The following USP20 variants were observed in gnomAD, a reference collection of about 807,000 sequenced individuals.
USP20 encodes the protein ubiquitin specific peptidase 20.
USP20 carries 80 observed loss-of-function variants against 124.2 expected under a neutral mutation model. That is an observed-to-expected ratio of 0.64 (90% CI 0.54 to 0.78). The LOEUF (loss-of-function observed/expected upper bound fraction) is 0.78. Among genes scored for constraint, USP20 ranks in the 30% least tolerant of loss-of-function variants. The pLI is 0.00. For missense variants in USP20, 1,043 were observed against 1,244.4 expected, an observed-to-expected ratio of 0.84 and a Z score of 2.44; for synonymous variants, 481 against 512.3, an observed-to-expected ratio of 0.94 and a Z score of 0.83.
chr9:129,848,055 G>C (rs2032687206), intron 1 of USP20, among the ~76,000 whole-genome samples: 1 of 152,106 alleles, frequency 6.6e-6, no homozygotes, highest in South Asian at 2.1e-4. Flanking sequence ...CCCAGCACTT[G>C]GGAGGCTGAG....
chr9:129,870,412 C>A (rs1387544920), intron 14 of USP20, 41 bp from the exon 15 acceptor site: 4 of 1,601,904 alleles, frequency 2.5e-6, no homozygotes, highest in Non-Finnish European at 2.6e-6. Context: ...TGTTCTTGCC[C>A]AGGCCCTGGC....
intron 1 of USP20, among the ~76,000 whole-genome samples, chr9:129,845,987 C>T (rs62584859): frequency 0.14 from 21,660 of 151,534 alleles, 2,012 homozygotes; most frequent in African/African-American, 0.25. Context: ...CGCAGTGGTG[C>T]GATCTCGGCT....
chr9:129,856,489 T>G, intron 4 of USP20, 129 bp downstream of exon 4: 1 of 1,123,624 alleles, frequency 8.9e-7, no homozygotes, highest in Non-Finnish European at 1.3e-6. Flanking sequence ...GCCAGAAACC[T>G]TGGGCTGGGG....
At chr9:129,868,517 G>A (rs375567490) in intron 11 of USP20, 68 bp downstream of exon 11, 45 of 1,521,516 alleles carry the variant, frequency 3.0e-5, no homozygotes, top group South Asian at 2.3e-4. Flanking sequence ...GGTGCTGAGC[G>A]CCGACCTGCA....
rs1224030085 is a variant in USP20, at chr9:129,874,949, T to C, written c.2042T>C (p.Phe681Ser). Residue 681 changes from phenylalanine (F) to serine (S), a missense_variant, in exon 19 of 26, where the codon TTC becomes TCC. By Grantham distance (155) the Phe-to-Ser change is radical (BLOSUM62 -2). Coordinates refer to ENST00000372429, the MANE Select transcript of USP20 (RefSeq NM_001110303.4). ...CAGAACGCCGAGGGCTACGTACTCTTCTACAGGTGGGCGCTGGGCCAGGCC... is the reference window on the plus strand; with the variant it reads ...CAGAACGCCGAGGGCTACGTACTCTCCTACAGGTGGGCGCTGGGCCAGGCC... ...VVQNAEGYVLFYRKSSEEAMR... is the reference protein window; with the variant it reads ...VVQNAEGYVLSYRKSSEEAMR... 1.7e-5 allele frequency: 28 copies of C among 1,613,552 alleles called. No individual in the cohort carries two copies. The Admixed American group carries it at 4.7e-4, about 27-fold the overall frequency.
chr9:129,852,551 C>A lies in USP20; in HGVS notation c.-5C>A. The A allele has an allele frequency of 1.3e-6, 2 of 1,591,748 alleles. No individual in the cohort carries two copies. The highest frequency in any genetic ancestry group is 1.7e-6 in the Non-Finnish European group (2 of 1,168,088). On this transcript the variant is annotated 5_prime_UTR_variant, in exon 3 of 26. Transcript: ENST00000372429. The stretch of plus-strand genomic sequence containing the variant: ...GTGTCTTCTCATAGGTGAGCCCAGG[C>A]CAGGATGGGGGACTCCAGGGACCTT...
intron 10 of USP20, among the ~76,000 whole-genome samples, chr9:129,866,317 CTT>C (rs1446274943): frequency 2.0e-5 from 3 of 152,340 alleles, no homozygotes; most frequent in Admixed American, 1.3e-4. Context: ...GGACACCTCT[CTT>C]TTTGGGGAGT....
At chr9:129,864,936 T>C (rs1341568651) in intron 9 of USP20, among the ~76,000 whole-genome samples, 1 of 152,198 alleles carries the variant, frequency 6.6e-6, no homozygotes, top group Non-Finnish European at 1.5e-5. Context: ...GTGGTGTTTT[T>C]CTCTTGTACT....
chr9:129,857,801 A>G lies in USP20; in HGVS notation c.136-249A>G, dbSNP rs368774964. 5.3e-5 allele frequency among the ~76,000 whole-genome samples: 8 copies of G among 152,324 alleles called. No homozygotes were observed. In the East Asian group the frequency reaches 1.2e-3, roughly 22 times the overall value. On this transcript the variant is annotated intron_variant, in intron 4 of 25. Coordinates refer to ENST00000372429, the MANE Select transcript of USP20 (RefSeq NM_001110303.4). ...CCGCCTGGGCTTCTTGCTGGAGAGC[A>G]GCAGCCCAGGGCATACTGCTCGTCT...
intron 17 of USP20, 122 bp downstream of exon 17, chr9:129,873,866 A>C: frequency 8.2e-7 from 1 of 1,212,896 alleles, no homozygotes; most frequent in Non-Finnish European, 1.2e-6. Context: ...GGCCGTGGAG[A>C]CTCCATAGCT....
At chr9:129,848,570 A>G (rs1353688396) in intron 1 of USP20, among the ~76,000 whole-genome samples, 1 of 150,264 alleles carries the variant, frequency 6.7e-6, no homozygotes, top group Non-Finnish European at 1.5e-5. Context: ...GGAGAATTTC[A>G]TGAACCCGGG....
At chr9:129,840,887 C>T (rs903011841) in intron 1 of USP20, among the ~76,000 whole-genome samples, 6 of 151,520 alleles carry the variant, frequency 4.0e-5, no homozygotes, top group Admixed American at 3.3e-4. Flanking sequence ...TCTTCTACCT[C>T]AGCCTCCCGA....
rs1236041784 is a variant in USP20, at chr9:129,865,319, C to G, written c.628C>G (p.Pro210Ala). The G allele has an allele frequency of 6.2e-7, 1 of 1,614,160 alleles. No homozygotes were observed. ...TTCCTACAGGCCAAGCTACGTGGTCCCCACCAGTCTGTCTCATGGGATCAA... is the reference window on the plus strand; with the variant it reads ...TTCCTACAGGCCAAGCTACGTGGTCGCCACCAGTCTGTCTCATGGGATCAA... ...WHKKRPSYVVPTSLSHGIKLV... is the reference protein window; with the variant it reads ...WHKKRPSYVVATSLSHGIKLV... Residue 210 changes from proline (P) to alanine (A), a missense_variant, in exon 10 of 26, where the codon CCC (proline) becomes GCC (alanine). Physicochemically the swap from Pro to Ala is conservative, Grantham distance 27 (BLOSUM62 -1). Transcript: ENST00000372429.
chr9:129,847,045 G>C (rs2131041170), intron 1 of USP20, among the ~76,000 whole-genome samples: 1 of 152,272 alleles, frequency 6.6e-6, no homozygotes, highest in African/African-American at 2.4e-5. Context: ...TCTATTGATG[G>C]GCACTTGGTT....
At chr9:129,872,744 T>G (rs2034185629) in intron 15 of USP20, among the ~76,000 whole-genome samples, 2 of 152,130 alleles carry the variant, frequency 1.3e-5, no homozygotes, top group African/African-American at 4.8e-5. Flanking sequence ...TTTAAGCTGG[T>G]CATGGTGGCA....
chr9:129,880,284 T>A lies in USP20; in HGVS notation c.*11T>A, dbSNP rs761746301. The A allele has an allele frequency of 4.4e-6, 7 of 1,581,652 alleles. No individual in the cohort carries two copies. The East Asian group carries it at 1.6e-4, about 36-fold the overall frequency. On this transcript the variant is annotated 3_prime_UTR_variant, in exon 25 of 26. Transcript: ENST00000372429. ...ACGCGGGCCGTGTGATCTGCTGGGC[T>A]AGTCTGTAAGTCGCCCCGGCTGGTC...
rs551465675 is a variant in USP20, at chr9:129,868,264, C to T, written c.950C>T (p.Ala317Val). The part of the protein sequence containing the change: ...AETELLIPDE[A>V]GRAISEKERM... ...ACGGAGCTGCTGATCCCAGATGAGG[C>T]GGGCCGAGCCATCTCTGAGAAGGAG... The change falls in exon 11 of 26, where the codon GCG (alanine) becomes GTG (valine). Residue 317 changes from alanine to valine, a missense_variant. Transcript: ENST00000372429. 51 of 1,613,932 alleles carry T rather than the reference C, an allele frequency of 3.2e-5. No individual in the cohort carries two copies. The South Asian group carries it at 4.1e-4, about 13-fold the overall frequency.
chr9:129,872,510 C>T (rs902027783), intron 15 of USP20, among the ~76,000 whole-genome samples: 29 of 152,164 alleles, frequency 1.9e-4, no homozygotes, highest in Non-Finnish European at 4.0e-4. Context: ...CCTGTCCTCC[C>T]ATCCTGTAGG....
In USP20 at chr9:129,874,879, G is replaced by A. The variant is rs549597662; in HGVS notation, c.1972G>A (p.Glu658Lys). 4.3e-6 allele frequency: 7 copies of A among 1,614,122 alleles called. No individual in the cohort carries two copies. Among genetic ancestry groups the A allele is most frequent in the East Asian group, 2.2e-5 (1 of 44,874 alleles). ...CQNVINGQWY[E>K]FDDQYVTEVH... ...GAACGTGATCAATGGGCAGTGGTACGAGTTTGATGACCAGTACGTCACAGA... is the reference window on the plus strand; with the variant it reads ...GAACGTGATCAATGGGCAGTGGTACAAGTTTGATGACCAGTACGTCACAGA... Residue 658 changes from glutamate to lysine, a missense_variant, in exon 19 of 26, where the codon GAG becomes AAG. Coordinates refer to ENST00000372429, the MANE Select transcript of USP20 (RefSeq NM_001110303.4).
Sources: allele counts gnomAD v4.1 joint callset (sites outside exome capture counted in the v4.1 genomes callset), GRCh38; gene constraint gnomAD v4.1.1; transcripts MANE v1.5; gene names NCBI Gene and HGNC (gene_info 2026-07-23, HGNC 2026-07-21).